The following ITGA1 variants were observed in gnomAD, a reference collection of about 807,000 sequenced individuals.
ITGA1 encodes integrin alpha-1.
A neutral mutation model predicts 145.9 loss-of-function variants in ITGA1; 85 were observed. The ratio of observed to expected loss-of-function variants is 0.58; its 90% CI spans 0.49 to 0.70. The LOEUF (loss-of-function observed/expected upper bound fraction) is 0.70. Ranked by LOEUF, ITGA1 falls within the 30% of genes least tolerant of loss-of-function variation. The pLI is 0.00. For missense variants in ITGA1, 1,351 were observed against 1,418.7 expected (o/e 0.95, Z 0.77); for synonymous variants, 520 against 495.3 (o/e 1.05, Z -0.66).
At chr5:52,876,775 A>T (rs1749874301) in intron 6 of ITGA1, among the ~76,000 whole-genome samples, 1 of 152,158 alleles carries the variant, frequency 6.6e-6, no homozygotes, top group Non-Finnish European at 1.5e-5. Context: ...TATAGTGTGC[A>T]CTCAAACAGT....
intron 1 of ITGA1, among the ~76,000 whole-genome samples, chr5:52,795,544 T>C (rs1348986348): frequency 2.0e-5 from 3 of 151,882 alleles, no homozygotes; most frequent in Non-Finnish European, 2.9e-5. Context: ...AACTCACCAA[T>C]GAGGTCCATG....
rs369705961 is a variant in ITGA1 at position 52,789,258 on chromosome 5, TG to T, written c.61+850del. Among the ~76,000 whole-genome samples, 52 of 151,770 alleles carry T rather than the reference TG, an allele frequency of 3.4e-4. No individual in the cohort carries two copies. In the South Asian group the frequency reaches 0.01, roughly 29 times the overall value. ...TGAAATGGTGAAAAATGGAAGAAGGTGGGGGGAAAGTGTATCGATAGAATCT... is the reference window on the plus strand; with the variant it reads ...TGAAATGGTGAAAAATGGAAGAAGGTGGGGGAAAGTGTATCGATAGAATCT... On this transcript the variant is annotated intron_variant, in intron 1 of 28. Transcript: ENST00000282588.
intron 14 of ITGA1, among the ~76,000 whole-genome samples, chr5:52,911,305 GTATATAGTGTA>G (rs999293345): frequency 2.1e-4 from 28 of 132,596 alleles, no homozygotes; most frequent in African/African-American, 3.3e-4. Flanking sequence ...TGTATATATA[GTATATAGTGTA>G]TATATAGTGT....
In ITGA1 at chr5:52,870,492, C is replaced by A. The variant is rs1749761582; in HGVS notation, c.624+4675C>A. 2.6e-5 allele frequency among the ~76,000 whole-genome samples: 4 copies of A among 152,272 alleles called. No homozygotes were observed. In the South Asian group the frequency reaches 8.3e-4, roughly 32 times the overall value. On this transcript the variant is annotated intron_variant, in intron 6 of 28. Transcript: ENST00000282588. ...GATTTCTCTGTAGAAAGAGCCTACTCAGAAAGGCTTCAGTGGGGTCATACA... is the reference window on the plus strand; with the variant it reads ...GATTTCTCTGTAGAAAGAGCCTACTAAGAAAGGCTTCAGTGGGGTCATACA...
chr5:52,929,481 G>A, intron 20 of ITGA1, 144 bp from the exon 21 acceptor site: 1 of 602,314 alleles, frequency 1.7e-6, no homozygotes, highest in East Asian at 2.9e-5. Context: ...TCTATTTTGA[G>A]ATACAATAAG....
intron 1 of ITGA1, among the ~76,000 whole-genome samples, chr5:52,845,210 T>A (rs557391090): frequency 6.6e-6 from 1 of 152,016 alleles, no homozygotes; most frequent in Non-Finnish European, 1.5e-5. Flanking sequence ...TTGGAGAAAA[T>A]GTATTAAAGA....
intron 23 of ITGA1, among the ~76,000 whole-genome samples, chr5:52,936,507 T>C (rs1004669666): frequency 1.3e-5 from 2 of 152,128 alleles, no homozygotes; most frequent in Non-Finnish European, 2.9e-5. Context: ...CTTGGGTCTA[T>C]CTATGTAGAT....
At chr5:52,800,267 G>A in intron 1 of ITGA1, 1 of 921,528 alleles carries the variant, frequency 1.1e-6, no homozygotes, top group Admixed American at 2.4e-5. Flanking sequence ...TTTCCTTCCC[G>A]CCAGGCAAGT....
intron 8 of ITGA1, among the ~76,000 whole-genome samples, chr5:52,888,280 G>GA (rs941074511): frequency 1.2e-4 from 18 of 151,942 alleles, no homozygotes; most frequent in African/African-American, 4.3e-4. Context: ...AAAGAGGACT[G>GA]AAAAAAAGAA....
intron 24 of ITGA1, among the ~76,000 whole-genome samples, chr5:52,939,053 C>T (rs1029433755): frequency 6.6e-6 from 1 of 152,038 alleles, no homozygotes; most frequent in Non-Finnish European, 1.5e-5. Context: ...CAGGCGCCTG[C>T]CACCACACCC....
intron 2 of ITGA1, among the ~76,000 whole-genome samples, chr5:52,852,279 A>G (rs1749442457): frequency 6.6e-6 from 1 of 152,346 alleles, no homozygotes. Flanking sequence ...AGAAGCCATC[A>G]TAAGTTGTCA....
intron 6 of ITGA1, among the ~76,000 whole-genome samples, chr5:52,871,693 T>G (rs1185040198): frequency 6.6e-6 from 1 of 151,568 alleles, no homozygotes; most frequent in Admixed American, 6.6e-5. Context: ...TAGTATACAT[T>G]AGGGAAATAC....
chr5:52,941,124 G>A (rs935897213), intron 26 of ITGA1, among the ~76,000 whole-genome samples: 40 of 152,248 alleles, frequency 2.6e-4, no homozygotes, highest in African/African-American at 9.4e-4. Flanking sequence ...TCTTTTTTAT[G>A]GCTGTGCAGT....
At chr5:52,928,165 T>C (rs1446491356) in intron 20 of ITGA1, among the ~76,000 whole-genome samples, 2 of 152,198 alleles carry the variant, frequency 1.3e-5, no homozygotes, top group Non-Finnish European at 2.9e-5. Context: ...CAGAAACATA[T>C]TTAACAACCT....
rs1272312958 is a variant in ITGA1 at position 52,905,761 on chromosome 5, AG to A, written c.1310del. Reference sequence around the variant, plus strand: ...GTATACCTGGAATCTTTCTTTTGTTAGGTTACACTGTAAACTCTGCTACTGC... The same window carrying A: ...GTATACCTGGAATCTTTCTTTTGTTAGTTACACTGTAAACTCTGCTACTGC... On this transcript the variant is annotated splice_acceptor_variant, in intron 11 of 28. Coordinates refer to ENST00000282588, the MANE Select transcript of ITGA1 (RefSeq NM_181501.2). LOFTEE classifies it high-confidence loss of function. 1 of 1,610,608 alleles carries A rather than the reference AG, an allele frequency of 6.2e-7. No individual in the cohort carries two copies. The highest frequency in any genetic ancestry group is 8.5e-7 in the Non-Finnish European group (1 of 1,178,300).
At chr5:52,944,701 A>G (rs994990384) in intron 26 of ITGA1, among the ~76,000 whole-genome samples, 5 of 152,204 alleles carry the variant, frequency 3.3e-5, no homozygotes, top group African/African-American at 9.7e-5. Flanking sequence ...TCAATACAAA[A>G]TATTTTTAAA....
rs774218288 is a variant in ITGA1, at chr5:52,908,978, C to T, written c.1536C>T (p.Ala512=). 1.9e-5 allele frequency: 30 copies of T among 1,613,578 alleles called. No homozygotes were observed. In the Admixed American group the frequency reaches 2.2e-4, roughly 12 times the overall value. The change falls in exon 13 of 29, where the codon GCC becomes GCT. Residue 512 remains alanine (A), a synonymous_variant. Transcript: ENST00000282588. ...DSNTDILLVG[A]PMYMGTEKEE... ...ATACTGACATTCTTCTAGTCGGAGCCCCTATGTACATGGGAACAGAGAAGG... is the reference window on the plus strand; with the variant it reads ...ATACTGACATTCTTCTAGTCGGAGCTCCTATGTACATGGGAACAGAGAAGG...
At chr5:52,838,426 T>C (rs1749197916) in intron 1 of ITGA1, among the ~76,000 whole-genome samples, 1 of 152,192 alleles carries the variant, frequency 6.6e-6, no homozygotes, top group Admixed American at 6.5e-5. Context: ...TGTCAGAGTG[T>C]GCACAGTATT....
At chr5:52,913,307 T>A (rs1750596525) in intron 14 of ITGA1, among the ~76,000 whole-genome samples, 1 of 152,204 alleles carries the variant, frequency 6.6e-6, no homozygotes, top group Admixed American at 6.5e-5. Flanking sequence ...ATGTCCATGC[T>A]GTTATAATAA....
Sources: allele counts gnomAD v4.1 joint callset (sites outside exome capture counted in the v4.1 genomes callset), GRCh38; gene constraint gnomAD v4.1.1; transcripts MANE v1.5; gene names NCBI Gene and HGNC (gene_info 2026-07-23, HGNC 2026-07-21).